SLC35F4: variants seen among roughly 807,000 people sequenced by gnomAD.
The protein encoded by SLC35F4 is solute carrier family 35 member F4.
A neutral mutation model predicts 44.2 loss-of-function variants in SLC35F4; 24 were observed. The observed-to-expected ratio is 0.54, with a 90% CI of 0.39 to 0.76. SLC35F4 has a LOEUF of 0.76. Among genes scored for constraint, SLC35F4 ranks in the 30% least tolerant of loss-of-function variants. The pLI is 0.00. For synonymous variants in SLC35F4, 238 were observed against 223.6 expected (o/e 1.06, Z -0.57); for missense variants, 562 against 586.1 (o/e 0.96, Z 0.42).
At chr14:57,611,203 T>G (rs2140044516) in intron 1 of SLC35F4, among the ~76,000 whole-genome samples, 1 of 148,104 alleles carries the variant, frequency 6.8e-6, no homozygotes, top group Non-Finnish European at 1.5e-5. Context: ...GTAGATAGAG[T>G]GCAGTAGATA....
rs2074228951 is a variant in SLC35F4, at chr14:57,664,065, T to C, written c.104-69941A>G. Among the ~76,000 whole-genome samples, 3 of 152,122 alleles carry C rather than the reference T, an allele frequency of 2.0e-5. No individual in the cohort carries two copies. In the South Asian group the frequency reaches 6.2e-4, roughly 32 times the overall value. ...AGAGGAGAATATTAATAAACTCTGA[T>C]GGAAATATTAATATCTTTAAACTAA... is the stretch of plus-strand genomic sequence containing the variant. On this transcript the variant is annotated intron_variant, in intron 1 of 7. Coordinates refer to ENST00000556826, the MANE Select transcript of SLC35F4 (RefSeq NM_001306087.2).
At position 57,904,901 on chromosome 14, in the gene SLC35F4, T is replaced by C. The variant is rs372236028; in HGVS notation, n.282+77012A>G. On this transcript the variant is annotated intron_variant and non_coding_transcript_variant, in intron 1 of 1. Transcript: ENST00000556568. ...GCTTCAACTTTGCAAGGAGCAAATATAGAAAGACCACAAAGAAAAGGCTAT... is the reference window on the plus strand; with the variant it reads ...GCTTCAACTTTGCAAGGAGCAAATACAGAAAGACCACAAAGAAAAGGCTAT... Among the ~76,000 whole-genome samples, 22 of 152,312 alleles carry C rather than the reference T, an allele frequency of 1.4e-4. No homozygotes were observed. The South Asian group carries it at 4.1e-3, about 29-fold the overall frequency.
rs144464837 is a variant in SLC35F4, at chr14:57,830,381, G to A, written c.103+35342C>T. ...AACTACCACTTCCTTTATAATATCC[G>A]AGGAGATTTTTATTTGGATCTCCCT... On this transcript the variant is annotated intron_variant, in intron 1 of 7. Transcript: ENST00000556826. Among the ~76,000 whole-genome samples, 1,430 of 152,202 alleles carry A rather than the reference G, an allele frequency of 9.4e-3. 23 individuals carry two copies. Among genetic ancestry groups the A allele is most frequent in the African/African-American group, 0.033 (1,357 of 41,532 alleles).
chr14:57,817,187 T>C (rs1882691826), intron 1 of SLC35F4, among the ~76,000 whole-genome samples: 1 of 152,090 alleles, frequency 6.6e-6, no homozygotes, highest in Non-Finnish European at 1.5e-5. Flanking sequence ...ATTATAAGGA[T>C]TGTGGGGTTG....
chr14:57,749,066 A>C (rs1030550382), intron 1 of SLC35F4, among the ~76,000 whole-genome samples: 1 of 152,172 alleles, frequency 6.6e-6, no homozygotes, highest in African/African-American at 2.4e-5. Flanking sequence ...TAAGCAGCTG[A>C]GCTTGGGTTC....
intron 1 of SLC35F4, among the ~76,000 whole-genome samples, chr14:57,687,298 C>A (rs960131609): frequency 6.6e-6 from 1 of 152,170 alleles, no homozygotes; most frequent in Non-Finnish European, 1.5e-5. Flanking sequence ...TAACCATATA[C>A]AGGAACAATG....
intron 1 of SLC35F4, among the ~76,000 whole-genome samples, chr14:57,826,117 T>G (rs1013640518): frequency 6.6e-6 from 1 of 152,128 alleles, no homozygotes; most frequent in African/African-American, 2.4e-5. Flanking sequence ...TAAACTATAC[T>G]ACAATGCTAC....
chr14:57,580,535 G>A (rs759562759), intron 4 of SLC35F4: 53 of 392,660 alleles, frequency 1.3e-4, no homozygotes, highest in South Asian at 9.8e-4. Flanking sequence ...GGGCTTCCCA[G>A]CAATCTATTT....
intron 1 of SLC35F4, among the ~76,000 whole-genome samples, chr14:57,889,036 T>G (rs2141037696): frequency 6.6e-6 from 1 of 152,240 alleles, no homozygotes; most frequent in South Asian, 2.1e-4. Context: ...TGCCCCAAAT[T>G]TATAATGTTG....
chr14:57,858,951 AT>A (rs902071172), intron 1 of SLC35F4, among the ~76,000 whole-genome samples: 1 of 150,770 alleles, frequency 6.6e-6, no homozygotes, highest in African/African-American at 2.4e-5. Context: ...AAAAAAAAAA[AT>A]TAATTAATTA....
intron 1 of SLC35F4, among the ~76,000 whole-genome samples, chr14:57,744,397 T>C (rs913849107): frequency 3.9e-5 from 6 of 152,126 alleles, no homozygotes; most frequent in African/African-American, 1.4e-4. Context: ...ACAAAATCAA[T>C]GTACAAAAAT....
At chr14:57,880,044 GGAAGGA>G in intron 1 of SLC35F4, among the ~76,000 whole-genome samples, 1 of 3,104 alleles carries the variant, frequency 3.2e-4, no homozygotes, top group Admixed American at 3.4e-3. Flanking sequence ...GAGGAAGGAA[GGAAGGA>G]AGGAAGGAAG....
At chr14:57,665,665 AAGACACATGC>A (rs1345520717) in intron 1 of SLC35F4, among the ~76,000 whole-genome samples, 7 of 152,202 alleles carry the variant, frequency 4.6e-5, no homozygotes, top group Non-Finnish European at 8.8e-5. Flanking sequence ...TTCTATCATA[AAGACACATGC>A]AGATATATGT....
chr14:57,903,900 A>G (rs1889060221), intron 1 of SLC35F4, among the ~76,000 whole-genome samples: 1 of 152,244 alleles, frequency 6.6e-6, no homozygotes, highest in African/African-American at 2.4e-5. Context: ...TATCTCAAAA[A>G]ATCTTTTGAT....
chr14:57,746,602 G>A (rs2076760563), intron 1 of SLC35F4, among the ~76,000 whole-genome samples: 1 of 151,728 alleles, frequency 6.6e-6, no homozygotes, highest in Admixed American at 6.6e-5. Flanking sequence ...GTATGTAATT[G>A]TTTTTTCTTG....
chr14:57,896,420 C>T (rs895195797), intron 1 of SLC35F4, among the ~76,000 whole-genome samples: 3 of 152,100 alleles, frequency 2.0e-5, no homozygotes, highest in African/African-American at 7.2e-5. Flanking sequence ...GTGATAAGAT[C>T]AAAATGCGTT....
chr14:57,902,350 C>T (rs1026460559), intron 1 of SLC35F4, among the ~76,000 whole-genome samples: 4 of 152,102 alleles, frequency 2.6e-5, no homozygotes, highest in African/African-American at 9.6e-5. Flanking sequence ...GATCACCTGA[C>T]GTCAGGAGTT....
chr14:57,973,520 G>T (rs2141096138), downstream of SLC35F4, among the ~76,000 whole-genome samples: 1 of 152,238 alleles, frequency 6.6e-6, no homozygotes, highest in African/African-American at 2.4e-5. Context: ...TCCTGCTGGA[G>T]GTTTTCTTAT....
At chr14:57,968,964 T>A (rs993467907) in intron 1 of SLC35F4, among the ~76,000 whole-genome samples, 1 of 152,342 alleles carries the variant, frequency 6.6e-6, no homozygotes, top group African/African-American at 2.4e-5. Context: ...AAATATGTTA[T>A]CTAACAAAGC....
Sources: allele counts gnomAD v4.1 joint callset (sites outside exome capture counted in the v4.1 genomes callset), GRCh38; gene constraint gnomAD v4.1.1; transcripts MANE v1.5; gene names NCBI Gene and HGNC (gene_info 2026-07-23, HGNC 2026-07-21).